Variants in UVRAG observed in about 807,000 individuals in gnomAD.
UVRAG encodes the protein UV radiation resistance-associated gene protein.
Under a neutral mutation model 78.0 loss-of-function variants are expected in UVRAG, and 19 were observed. The observed-to-expected ratio is 0.24, with a 90% CI of 0.17 to 0.36. The LOEUF (loss-of-function observed/expected upper bound fraction) is 0.36, where lower values mean the gene tolerates loss of function less well. UVRAG is among the 10% of genes least tolerant of loss of function. UVRAG has a pLI of 1.00. For missense variants in UVRAG, 740 were observed against 853.8 expected (o/e 0.87, Z 1.66); for synonymous variants, 323 against 324.6 (o/e 1.00, Z 0.05).
intron 5 of UVRAG, among the ~76,000 whole-genome samples, chr11:75,910,525 T>G (rs1385639487): frequency 1.3e-5 from 2 of 151,664 alleles, no homozygotes; most frequent in African/African-American, 4.8e-5. Flanking sequence ...ACATGACTAT[T>G]TATTCCTTTT....
At position 76,141,144 on chromosome 11, in the gene UVRAG, G is replaced by A; in HGVS notation, c.1831G>A (p.Val611Ile). ...LPSEQAGSAS[V>I]QLPGEFHPVS... ...CAGCGAGCAGGCCGGGTCCGCCAGT[G>A]TCCAGCTTCCAGGCGAGTTCCACCC... The change falls in exon 15 of 15, where the codon GTC (valine) becomes ATC (isoleucine). Residue 611 changes from valine to isoleucine, a missense_variant. Coordinates refer to ENST00000356136, the MANE Select transcript of UVRAG (RefSeq NM_003369.4). 2 of 1,614,194 alleles carry A rather than the reference G, an allele frequency of 1.2e-6. No individual in the cohort carries two copies. The highest frequency in any genetic ancestry group is 1.7e-6 in the Non-Finnish European group (2 of 1,180,050).
chr11:75,989,660 C>G (rs1181532684), intron 8 of UVRAG, among the ~76,000 whole-genome samples: 3 of 152,172 alleles, frequency 2.0e-5, no homozygotes, highest in Non-Finnish European at 4.4e-5. Flanking sequence ...TGGTTTAGTT[C>G]TTTTGGTTCT....
chr11:76,137,039 G>A lies in UVRAG; in HGVS notation c.1398-3672G>A, dbSNP rs528409625. On this transcript the variant is annotated intron_variant, in intron 14 of 14. Transcript: ENST00000356136. ...CTTGGCTATCTTAAAAATCTGGAAT[G>A]TAGCTGGGATCCTGGAAGTAATAAA... is the stretch of plus-strand genomic sequence containing the variant. Among the ~76,000 whole-genome samples, 11 of 152,250 alleles carry A rather than the reference G, an allele frequency of 7.2e-5. No homozygotes were observed. In the South Asian group the frequency reaches 2.3e-3, roughly 32 times the overall value.
intron 5 of UVRAG, among the ~76,000 whole-genome samples, chr11:75,902,004 C>G (rs1354548128): frequency 6.6e-6 from 1 of 152,226 alleles, no homozygotes; most frequent in African/African-American, 2.4e-5. Context: ...TTGCTTACCT[C>G]TCTTACCTGC....
At chr11:76,049,135 A>G (rs1455709483) in intron 12 of UVRAG, among the ~76,000 whole-genome samples, 1 of 152,206 alleles carries the variant, frequency 6.6e-6, no homozygotes, top group Non-Finnish European at 1.5e-5. Context: ...GAATAAAGCC[A>G]TGTCTCATCT....
chr11:75,976,823 T>C (rs1316406521), intron 7 of UVRAG, among the ~76,000 whole-genome samples: 1 of 152,232 alleles, frequency 6.6e-6, no homozygotes, highest in Non-Finnish European at 1.5e-5. Flanking sequence ...AACCAGCTCC[T>C]GGATTCATTG....
rs751506426 is a variant in UVRAG at position 76,142,624 on chromosome 11, T to C, written c.*1211T>C. ...TTTATCCATATATCCATGTATTATA[T>C]AGAAGAATAAAAATTGAGTTTACTT... On this transcript the variant is annotated 3_prime_UTR_variant, in exon 15 of 15. Transcript: ENST00000356136. The C allele has an allele frequency of 4.6e-5, 7 of 152,520 alleles. No individual in the cohort carries two copies. The highest frequency in any genetic ancestry group is 7.2e-5 in the African/African-American group (3 of 41,446). 9.4% of individuals were successfully genotyped at this position (152,520 alleles called of 1,614,324 possible). A position where few individuals can be genotyped will look rare whatever the true frequency, so the allele number is the denominator to read the frequency against.
At chr11:76,073,752 A>G (rs1324319434) in intron 13 of UVRAG, among the ~76,000 whole-genome samples, 2 of 152,220 alleles carry the variant, frequency 1.3e-5, no homozygotes, top group Admixed American at 1.3e-4. Context: ...CAGATTCTGC[A>G]TTGCTACTAG....
intron 12 of UVRAG, among the ~76,000 whole-genome samples, chr11:76,028,289 C>T (rs151283495): frequency 7.9e-5 from 12 of 152,148 alleles, no homozygotes; most frequent in African/African-American, 2.9e-4. Flanking sequence ...CATCTCTCTC[C>T]CTCTCCTCAA....
intron 6 of UVRAG, among the ~76,000 whole-genome samples, chr11:75,918,202 T>C (rs1299604583): frequency 2.5e-4 from 14 of 56,454 alleles, no homozygotes; most frequent in Admixed American, 7.6e-4. Flanking sequence ...CCTTCTCTAC[T>C]AAAAATACAA....
chr11:76,043,678 C>A (rs1006844516), intron 12 of UVRAG, among the ~76,000 whole-genome samples: 2 of 152,136 alleles, frequency 1.3e-5, no homozygotes, highest in Non-Finnish European at 2.9e-5. Flanking sequence ...ACAAATTATT[C>A]TTATGTCTAG....
intron 6 of UVRAG, among the ~76,000 whole-genome samples, chr11:75,917,687 C>T (rs1947888178): frequency 1.3e-5 from 2 of 152,184 alleles, no homozygotes; most frequent in Admixed American, 6.5e-5. Context: ...CGTTAATACT[C>T]CTCTTCCTTT....
At chr11:76,070,159 G>A (rs1951274898) in intron 13 of UVRAG, among the ~76,000 whole-genome samples, 1 of 152,138 alleles carries the variant, frequency 6.6e-6, no homozygotes, top group South Asian at 2.1e-4. Flanking sequence ...CAATACAGAT[G>A]AACCTGGAGG....
rs529309953 is a variant in UVRAG at position 75,867,881 on chromosome 11, T to C, written c.270+6101T>C. On this transcript the variant is annotated intron_variant, in intron 3 of 14. Transcript: ENST00000356136. ...AATGGCAATTAAACTTAGCAGCACA[T>C]GTAGTGCTAACATTGTGCCTAACTT... 5.3e-5 allele frequency among the ~76,000 whole-genome samples: 8 copies of C among 152,346 alleles called. No individual in the cohort carries two copies. In the South Asian group the frequency reaches 1.5e-3, roughly 28 times the overall value.
Position 75,932,410 on chromosome 11 carries a change from G to C in UVRAG, c.593+20371G>C, listed in dbSNP as rs571184323. The stretch of plus-strand genomic sequence containing the variant: ...AGTGATTCTCCTGCCTCAGCCTCCC[G>C]AATAGCTGGGACTACAGGCGTGCAT... On this transcript the variant is annotated intron_variant, in intron 6 of 14. Transcript: ENST00000356136. Among the ~76,000 whole-genome samples, 3 of 151,906 alleles carry C rather than the reference G, an allele frequency of 2.0e-5. No individual in the cohort carries two copies. The South Asian group carries it at 6.2e-4, about 32-fold the overall frequency.
chr11:76,135,711 C>T (rs545201720), intron 14 of UVRAG, among the ~76,000 whole-genome samples: 3 of 152,284 alleles, frequency 2.0e-5, no homozygotes, highest in South Asian at 2.1e-4. Context: ...CAGCCACTTA[C>T]GGGAAATGGC....
At chr11:75,930,940 T>TTTCTTTCC (rs1555089520) in intron 6 of UVRAG, 339 of 142,138 alleles carry the variant, frequency 2.4e-3, no homozygotes, top group African/African-American at 9.1e-3. Context: ...TCTTTCTTTC[T>TTTCTTTCC]TTCTTTCTTT....
chr11:75,968,460 G>A (rs1176388850), intron 7 of UVRAG, among the ~76,000 whole-genome samples: 1 of 152,054 alleles, frequency 6.6e-6, no homozygotes, highest in Non-Finnish European at 1.5e-5. Flanking sequence ...ATCCCACATG[G>A]GTTTGTTTAC....
At chr11:76,067,809 A>G (rs1435043926) in intron 13 of UVRAG, among the ~76,000 whole-genome samples, 1 of 152,122 alleles carries the variant, frequency 6.6e-6, no homozygotes, top group African/African-American at 2.4e-5. Context: ...GAAGTAAATT[A>G]GAGGGCTCCT....
Sources: allele counts gnomAD v4.1 joint callset (sites outside exome capture counted in the v4.1 genomes callset), GRCh38; gene constraint gnomAD v4.1.1; transcripts MANE v1.5; gene names NCBI Gene and HGNC (gene_info 2026-07-23, HGNC 2026-07-21).